The following GTSE1 variants were observed in gnomAD, a reference collection of about 807,000 sequenced individuals.
The protein encoded by GTSE1 is G2 and S phase-expressed protein 1.
GTSE1 carries 52 observed loss-of-function variants against 60.5 expected under a neutral mutation model. That is an observed-to-expected ratio of 0.86 (90% confidence interval 0.69 to 1.08). The LOEUF (loss-of-function observed/expected upper bound fraction) is 1.08, where lower values mean the gene tolerates loss of function less well. Ranked by LOEUF, GTSE1 falls within the 50% of genes least tolerant of loss-of-function variation. The pLI is 0.00. For missense variants in GTSE1, 937 were observed against 961.8 expected (o/e 0.97, Z 0.34); for synonymous variants, 368 against 386.5 (o/e 0.95, Z 0.56).
rs1050873766 is a variant in GTSE1, at chr22:46,320,952, C to T, written c.1433-2238C>T. ...ATGGAAGCTGCTGAAGAGTGCGCTC[C>T]ACCCAGCTGAGGGAGAGGACAACCG... On this transcript the variant is annotated intron_variant, in intron 7 of 11. Coordinates refer to ENST00000454366, the MANE Select transcript of GTSE1 (RefSeq NM_016426.7). The surrounding 1 kb of genome is among the most constrained non-coding windows in gnomAD (Gnocchi z 7.1). Among the ~76,000 whole-genome samples the T allele has an allele frequency of 3.3e-5, 5 of 151,942 alleles. No homozygotes were observed. The highest frequency in any genetic ancestry group is 1.2e-4 in the African/African-American group (5 of 41,336).
At position 46,330,063 on chromosome 22, in the gene GTSE1, C is replaced by T. The variant is rs796565462; in HGVS notation, c.2153C>T (p.Ser718Phe). 1.2e-6 allele frequency: 2 copies of T among 1,609,224 alleles called. No homozygotes were observed. The highest frequency in any genetic ancestry group is 1.7e-6 in the Non-Finnish European group (2 of 1,175,486). The change falls in exon 12 of 12, where the codon TCC (serine) becomes TTC (phenylalanine). Residue 718 changes from serine to phenylalanine, a missense_variant. Coordinates refer to ENST00000454366, the MANE Select transcript of GTSE1 (RefSeq NM_016426.7). This position sits in a 1 kb window ranked among gnomAD's most constrained non-coding sequence, Gnocchi z 6.0. ...CTCTTCCAGCTCATAGACCTGAGCT[C>T]CCCTCTGATCCAGCTGAGCCCTGAG... is the stretch of plus-strand genomic sequence containing the variant. ...PVVGQLIDLS[S>F]PLIQLSPEAD...
Position 46,308,420 on chromosome 22 carries a change from C to T in GTSE1, c.239C>T (p.Pro80Leu), listed in dbSNP as rs757744365. The change falls in exon 4 of 12, where the codon CCG becomes CTG. Residue 80 changes from proline to leucine, a missense_variant. Transcript: ENST00000454366. ...ELNNPVPEQP[P>L]LPTSESPFAW... ...AATAATCCGGTTCCCGAACAGCCTCCGTTGCCCACATCTGAGAGTCCCTTT... is the reference window on the plus strand; with the variant it reads ...AATAATCCGGTTCCCGAACAGCCTCTGTTGCCCACATCTGAGAGTCCCTTT... 6.8e-6 allele frequency: 11 copies of T among 1,614,062 alleles called. No homozygotes were observed. Among genetic ancestry groups the T allele is most frequent in the East Asian group, 4.5e-5 (2 of 44,888 alleles).
rs956717038 is a variant in GTSE1, at chr22:46,318,241, C to G, written c.1432+1829C>G. 4.6e-5 allele frequency among the ~76,000 whole-genome samples: 7 copies of G among 152,188 alleles called. No homozygotes were observed. The East Asian group carries it at 1.3e-3, about 29-fold the overall frequency. ...CTTAAGGTGAGAGGAGCGTCCTGGC[C>G]TCCTCTGTCAGGCAGATCTGCCCTC... On this transcript the variant is annotated intron_variant, in intron 7 of 11. Transcript: ENST00000454366. The surrounding 1 kb of genome is among the most constrained non-coding windows in gnomAD (Gnocchi z 4.8).
At position 46,318,896 on chromosome 22, in the gene GTSE1, C is replaced by A. The variant is rs183474023; in HGVS notation, c.1432+2484C>A. Among the ~76,000 whole-genome samples the A allele has an allele frequency of 2.0e-5, 3 of 152,070 alleles. No homozygotes were observed. Among genetic ancestry groups the A allele is most frequent in the Admixed American group, 6.5e-5 (1 of 15,284 alleles). ...TCCTCATGGTCTAGTGTGGCTGCAC[C>A]GGCTCTGGCCCTCATACCTCCCGGC... On this transcript the variant is annotated intron_variant, in intron 7 of 11. Coordinates refer to ENST00000454366, the MANE Select transcript of GTSE1 (RefSeq NM_016426.7). The surrounding 1 kb of genome is among the most constrained non-coding windows in gnomAD (Gnocchi z 4.8).
intron 8 of GTSE1, among the ~76,000 whole-genome samples, chr22:46,325,767 C>T (rs1265149496): frequency 6.6e-6 from 1 of 152,252 alleles, no homozygotes; most frequent in East Asian, 1.9e-4. Flanking sequence ...GATTTCAGCA[C>T]ATGAATCTGG....
At position 46,324,115 on chromosome 22, in the gene GTSE1, G is replaced by A. The variant is rs2077830253; in HGVS notation, c.1505+853G>A. On this transcript the variant is annotated intron_variant, in intron 8 of 11. Coordinates refer to ENST00000454366, the MANE Select transcript of GTSE1 (RefSeq NM_016426.7). The surrounding 1 kb of genome is among the most constrained non-coding windows in gnomAD (Gnocchi z 5.2). ...GGCCCAAGCTCAGCTGGGGCCACTT[G>A]CAAGTCTTTTGGTGACTCTGGGCTT... is the stretch of plus-strand genomic sequence containing the variant. Among the ~76,000 whole-genome samples, 1 of 152,316 alleles carries A rather than the reference G, an allele frequency of 6.6e-6. No individual in the cohort carries two copies.
intron 2 of GTSE1, among the ~76,000 whole-genome samples, chr22:46,307,529 AGT>A (rs2077721969): frequency 6.6e-6 from 1 of 151,514 alleles, no homozygotes; most frequent in African/African-American, 2.4e-5. Flanking sequence ...TTTGAGACAG[AGT>A]GTCTTTCTGT....
chr22:46,308,619 C>G lies in GTSE1; in HGVS notation c.438C>G (p.Asn146Lys), dbSNP rs756952008. The G allele has an allele frequency of 6.2e-7, 1 of 1,613,916 alleles. No homozygotes were observed. The highest frequency in any genetic ancestry group is 8.5e-7 in the Non-Finnish European group (1 of 1,179,980). The change falls in exon 4 of 12, where the codon AAC becomes AAG. Residue 146 changes from asparagine (N) to lysine (K), a missense_variant. Physicochemically the swap from Asn to Lys is moderately conservative, Grantham distance 94. Transcript: ENST00000454366. ...RFIQESKLKI[N>K]LFEKEKEMKK... ...TACAGGAGTCAAAATTAAAAATAAACCTCTTTGAGAAAGAAAAGGAAATGA... is the reference window on the plus strand; with the variant it reads ...TACAGGAGTCAAAATTAAAAATAAAGCTCTTTGAGAAAGAAAAGGAAATGA...
At chr22:46,323,333 T>C (rs575707036) in intron 8 of GTSE1, 71 bp downstream of exon 8, 1 of 1,189,544 alleles carries the variant, frequency 8.4e-7, no homozygotes, top group Non-Finnish European at 1.3e-6. Context: ...ACCTCAACCA[T>C]TTGGTAACCC....
At position 46,314,121 on chromosome 22, in the gene GTSE1, C is replaced by T. The variant is rs956254135; in HGVS notation, c.1051+108C>T. 3.4e-5 allele frequency: 48 copies of T among 1,397,350 alleles called. No homozygotes were observed. The highest frequency in any genetic ancestry group is 1.9e-4 in the Admixed American group (11 of 57,006). The allele number at this position is 1,397,350 out of a possible 1,614,324, so 86.6% of individuals were successfully genotyped here. A position where few individuals can be genotyped will look rare whatever the true frequency, so the allele number is the denominator to read the frequency against. On this transcript the variant is annotated intron_variant, in intron 6 of 11. Coordinates refer to ENST00000454366, the MANE Select transcript of GTSE1 (RefSeq NM_016426.7). This position sits in a 1 kb window ranked among gnomAD's most constrained non-coding sequence, Gnocchi z 7.1. ...GCAGAACCACTTAGGCTTGGCAGGA[C>T]GTCCCGGAGGGCGTGCTGTGTGCGG...
At position 46,330,017 on chromosome 22, in the gene GTSE1, G is replaced by A. The variant is rs756904613; in HGVS notation, c.2137-30G>A. On this transcript the variant is annotated intron_variant, in intron 11 of 11. Transcript: ENST00000454366. The surrounding 1 kb of genome is among the most constrained non-coding windows in gnomAD (Gnocchi z 6.0). Reference sequence around the variant, plus strand: ...GAAGGGAGGCCCTAGCCGGATCCACGCTCACCTCCTCCACTCTGCTCTCTT... The same window carrying A: ...GAAGGGAGGCCCTAGCCGGATCCACACTCACCTCCTCCACTCTGCTCTCTT... The A allele has an allele frequency of 9.9e-6, 14 of 1,407,358 alleles. No homozygotes were observed. Among genetic ancestry groups the A allele is most frequent in the South Asian group, 5.7e-5 (5 of 86,962 alleles). The allele number at this position is 1,407,358 out of a possible 1,614,324, so 87.2% of individuals were successfully genotyped here.
In GTSE1 at chr22:46,316,388, T is replaced by C. The variant is rs759516336; in HGVS notation, c.1408T>C (p.Phe470Leu). 52 of 1,582,106 alleles carry C rather than the reference T, an allele frequency of 3.3e-5. No homozygotes were observed. The highest frequency in any genetic ancestry group is 4.4e-5 in the Non-Finnish European group (51 of 1,157,560). The change falls in exon 7 of 12, where the codon TTT (phenylalanine) becomes CTT (leucine). Residue 470 changes from phenylalanine to leucine, a missense_variant. By Grantham distance (22) the Phe-to-Leu change is conservative. Coordinates refer to ENST00000454366, the MANE Select transcript of GTSE1 (RefSeq NM_016426.7). This position sits in a 1 kb window ranked among gnomAD's most constrained non-coding sequence, Gnocchi z 5.0. The part of the protein sequence containing the change: ...TKVMPTPTNQ[F>L]KIPKFSIGDS... ...GGTTATGCCTACTCCTACAAATCAA[T>C]TTAAAATTCCTAAGTTTTCTATTGG...
chr22:46,297,518 T>A lies in GTSE1; in HGVS notation c.79+39T>A, dbSNP rs959697754. The A allele has an allele frequency of 1.9e-5, 27 of 1,391,048 alleles. No individual in the cohort carries two copies. The highest frequency in any genetic ancestry group is 2.5e-5 in the Non-Finnish European group (25 of 980,966). 86.2% of individuals were successfully genotyped at this position (1,391,048 alleles called of 1,614,324 possible). On this transcript the variant is annotated intron_variant, in intron 2 of 11. Transcript: ENST00000454366. The surrounding 1 kb of genome is among the most constrained non-coding windows in gnomAD (Gnocchi z 4.9). ...GCTGCGGCGCTGTTGTTGTTCAGGA[T>A]GTTCAGTAGAGATGGAGGGTGATTT...
Position 46,309,862 on chromosome 22 carries a change from A to T in GTSE1, c.762+919A>T, listed in dbSNP as rs920329826. On this transcript the variant is annotated intron_variant, in intron 4 of 11. Coordinates refer to ENST00000454366, the MANE Select transcript of GTSE1 (RefSeq NM_016426.7). This position sits in a 1 kb window ranked among gnomAD's most constrained non-coding sequence, Gnocchi z 6.2. The stretch of plus-strand genomic sequence containing the variant: ...TAGATTCCTACCGTGATGTTTCTAG[A>T]ATGAGAGTGGGATGGGTCCTGCTGT... 1.3e-4 allele frequency among the ~76,000 whole-genome samples: 20 copies of T among 152,106 alleles called. No homozygotes were observed. Among genetic ancestry groups the T allele is most frequent in the Non-Finnish European group, 2.5e-4 (17 of 68,020 alleles).
Position 46,324,598 on chromosome 22 carries a change from G to A in GTSE1, c.1505+1336G>A, listed in dbSNP as rs547571753. On this transcript the variant is annotated intron_variant, in intron 8 of 11. Transcript: ENST00000454366. The surrounding 1 kb of genome is among the most constrained non-coding windows in gnomAD (Gnocchi z 5.2). ...TAGCCAGGATGGTCTCGATCTCCTG[G>A]CCTCGTGATCCACCAGCCTTGGCCT... Among the ~76,000 whole-genome samples, 274 of 152,186 alleles carry A rather than the reference G, an allele frequency of 1.8e-3. 1 individual carries two copies. Among genetic ancestry groups the A allele is most frequent in the African/African-American group, 6.1e-3 (252 of 41,512 alleles).
In GTSE1 at chr22:46,313,447, C is replaced by A. The variant is rs1249309645; in HGVS notation, c.928-443C>A. Among the ~76,000 whole-genome samples, 1 of 152,152 alleles carries A rather than the reference C, an allele frequency of 6.6e-6. No individual in the cohort carries two copies. Among genetic ancestry groups the A allele is most frequent in the African/African-American group, 2.4e-5 (1 of 41,440 alleles). ...TTGAGAAGTGCTGCTTGACTTTTTT[C>A]TTCTTTAAATTCAAGATGATAATTA... On this transcript the variant is annotated intron_variant, in intron 5 of 11. Transcript: ENST00000454366. This position sits in a 1 kb window ranked among gnomAD's most constrained non-coding sequence, Gnocchi z 4.4.
chr22:46,312,980 T>C (rs2077757551), intron 5 of GTSE1, among the ~76,000 whole-genome samples: 1 of 150,024 alleles, frequency 6.7e-6, no homozygotes, highest in South Asian at 2.1e-4. Context: ...CTGGGCAACA[T>C]AGTGAGGCCC....
chr22:46,313,299 G>A lies in GTSE1; in HGVS notation c.928-591G>A, dbSNP rs1453888979. On this transcript the variant is annotated intron_variant, in intron 5 of 11. Coordinates refer to ENST00000454366, the MANE Select transcript of GTSE1 (RefSeq NM_016426.7). This position sits in a 1 kb window ranked among gnomAD's most constrained non-coding sequence, Gnocchi z 4.4. ...CAAGCTGTGTGTACTGGCAGTTCTT[G>A]TTAGAACTGCCCAAAGCTGGGCCCT... is the stretch of plus-strand genomic sequence containing the variant. 2.0e-5 allele frequency among the ~76,000 whole-genome samples: 3 copies of A among 151,804 alleles called. No homozygotes were observed. Among genetic ancestry groups the A allele is most frequent in the Non-Finnish European group, 4.4e-5 (3 of 67,984 alleles).
In GTSE1 at chr22:46,316,213, G is replaced by T. The variant is rs573781773; in HGVS notation, c.1233G>T (p.Thr411=). Residue 411 remains threonine (T), a synonymous_variant, in exon 7 of 12, where the codon ACG becomes ACT. Transcript: ENST00000454366. The surrounding 1 kb of genome is among the most constrained non-coding windows in gnomAD (Gnocchi z 5.0). Reference sequence around the variant, plus strand: ...CTGAGCTGGCAGCGGAGCAGCTCACGGCACCCCCCTCAGCATCCCCCACCC... The same window carrying T: ...CTGAGCTGGCAGCGGAGCAGCTCACTGCACCCCCCTCAGCATCCCCCACCC... ...DVSELAAEQL[T]APPSASPTQP... 2 of 1,613,600 alleles carry T rather than the reference G, an allele frequency of 1.2e-6. No homozygotes were observed. The highest frequency in any genetic ancestry group is 1.7e-6 in the Non-Finnish European group (2 of 1,179,920).
Sources: gnomAD v4.1 joint callset for allele counts (sites outside exome capture counted in the v4.1 genomes callset) on GRCh38, gnomAD v4.1.1 for gene constraint, Gnocchi (gnomAD v3.1) non-coding constraint, MANE v1.5 for transcripts, NCBI Gene and HGNC (gene_info 2026-07-23, HGNC 2026-07-21) for gene names.